The following RGL1 variants were observed in gnomAD, a reference collection of about 807,000 sequenced individuals.
RGL1 encodes the protein ral guanine nucleotide dissociation stimulator like 1.
In RGL1, 24 loss-of-function variants were observed where a neutral mutation model predicts 95.2. That is an observed-to-expected ratio of 0.25 (90% confidence interval 0.18 to 0.35). The LOEUF is 0.35. RGL1 is among the 10% of genes least tolerant of loss of function. RGL1 has a pLI of 1.00. For synonymous variants in RGL1, 329 were observed against 344.9 expected (o/e 0.95, Z 0.51); for missense variants, 715 against 936.3 (o/e 0.76, Z 3.08).
chr1:183,825,304 A>G (rs1662769710), intron 2 of RGL1, among the ~76,000 whole-genome samples: 3 of 152,230 alleles, frequency 2.0e-5, no homozygotes. Flanking sequence ...AAGCAGTAAG[A>G]ATGAATGATA....
chr1:183,659,441 G>A (rs1651446036), intron 1 of RGL1, among the ~76,000 whole-genome samples: 1 of 152,214 alleles, frequency 6.6e-6, no homozygotes, highest in South Asian at 2.1e-4. Context: ...GTGATCAACT[G>A]AAAGAAAGGG....
intron 8 of RGL1, among the ~76,000 whole-genome samples, chr1:183,891,733 G>GTTTTT (rs57974956): frequency 1.8e-4 from 22 of 123,946 alleles, no homozygotes; most frequent in South Asian, 2.7e-4. Flanking sequence ...GTGTGTAACA[G>GTTTTT]TTTTTTTTTT....
chr1:183,699,637 C>T (rs1654464262), intron 1 of RGL1, among the ~76,000 whole-genome samples: 5 of 152,158 alleles, frequency 3.3e-5, no homozygotes, highest in Admixed American at 2.0e-4. Context: ...CTAAATCAAT[C>T]GTATGTGCAG....
At chr1:183,673,454 C>A (rs896406682) in intron 1 of RGL1, among the ~76,000 whole-genome samples, 1 of 152,170 alleles carries the variant, frequency 6.6e-6, no homozygotes, top group African/African-American at 2.4e-5. Context: ...GGGCTCTGTT[C>A]TACTTCATCA....
At chr1:183,779,100 T>C (rs960842417) in intron 2 of RGL1, among the ~76,000 whole-genome samples, 2 of 152,174 alleles carry the variant, frequency 1.3e-5, no homozygotes, top group African/African-American at 4.8e-5. Flanking sequence ...GGAAGCTGTG[T>C]AGCTGTTCAT....
intron 1 of RGL1, among the ~76,000 whole-genome samples, chr1:183,717,384 T>C (rs776324226): frequency 5.9e-5 from 9 of 152,202 alleles, no homozygotes; most frequent in Non-Finnish European, 1.0e-4. Context: ...TTTCTCCATC[T>C]GGCACATTAA....
intron 2 of RGL1, among the ~76,000 whole-genome samples, chr1:183,808,778 C>T (rs1661509330): frequency 1.4e-5 from 2 of 147,150 alleles, no homozygotes; most frequent in Admixed American, 6.8e-5. Context: ...TTTTTTTTAA[C>T]ATGAGGAGAC....
intron 2 of RGL1, among the ~76,000 whole-genome samples, chr1:183,815,772 G>A (rs2102440941): frequency 6.6e-6 from 1 of 152,262 alleles, no homozygotes; most frequent in South Asian, 2.1e-4. Context: ...ATGACTGTCA[G>A]GAGTAAATGA....
intron 2 of RGL1, among the ~76,000 whole-genome samples, chr1:183,814,263 C>T (rs1328692901): frequency 6.6e-6 from 1 of 152,052 alleles, no homozygotes. Context: ...GTAGAAATAC[C>T]TGTGTCTTTC....
chr1:183,887,751 C>A (rs1440014762), intron 7 of RGL1, among the ~76,000 whole-genome samples: 1 of 152,112 alleles, frequency 6.6e-6, no homozygotes, highest in Non-Finnish European at 1.5e-5. Context: ...AAATAGGGAG[C>A]CTCTCTCCTT....
At chr1:183,696,465 G>C (rs893983569) in intron 1 of RGL1, among the ~76,000 whole-genome samples, 1 of 152,142 alleles carries the variant, frequency 6.6e-6, no homozygotes, top group Admixed American at 6.5e-5. Flanking sequence ...GGGTGCCTTA[G>C]GGCTTTGTCT....
intron 15 of RGL1, 95 bp downstream of exon 15, chr1:183,912,363 T>A: frequency 9.9e-7 from 1 of 1,009,730 alleles, no homozygotes; most frequent in Non-Finnish European, 1.4e-6. Context: ...AGTGGATCAC[T>A]CTATAGTATT....
intron 2 of RGL1, among the ~76,000 whole-genome samples, chr1:183,782,959 G>A (rs796779889): frequency 2.6e-5 from 4 of 152,180 alleles, no homozygotes; most frequent in African/African-American, 9.6e-5. Context: ...ATCATAAACA[G>A]AAATATCTAG....
intron 2 of RGL1, among the ~76,000 whole-genome samples, chr1:183,787,734 T>C (rs917799223): frequency 3.9e-5 from 6 of 152,046 alleles, no homozygotes; most frequent in Non-Finnish European, 7.4e-5. Flanking sequence ...GGGGCAGATC[T>C]CTTGTGAATG....
intron 2 of RGL1, among the ~76,000 whole-genome samples, chr1:183,796,164 A>ATTTT (rs566005120): frequency 7.8e-6 from 1 of 128,088 alleles, no homozygotes; most frequent in Non-Finnish European, 1.7e-5. Context: ...TTGTATTCCT[A>ATTTT]TTTTTTTTTT....
intron 1 of RGL1, among the ~76,000 whole-genome samples, chr1:183,805,997 TTTTTTTTTTTTTTTA>T (rs1661305393): frequency 2.5e-5 from 2 of 80,558 alleles, no homozygotes; most frequent in Non-Finnish European, 4.8e-5. Flanking sequence ...TTTTTTTTTT[TTTTTTTTTTTTTTTA>T]CAAAGAATTA....
At chr1:183,645,893 C>T (rs1032304375) in intron 1 of RGL1, among the ~76,000 whole-genome samples, 16 of 152,204 alleles carry the variant, frequency 1.1e-4, no homozygotes, top group Admixed American at 5.9e-4. Context: ...CTAGTCTTAT[C>T]GAACCAGTAC....
At position 183,805,971 on chromosome 1, in the gene RGL1, C is replaced by CTTTTTTTTTTTTTTTTTT. The variant is rs751229707; in HGVS notation, c.28-381_28-364dup. ...TTTCTTTTTCTTTTTCTTTTCTTTT[C>CTTTTTTTTTTTTTTTTTT]TTTTTTTTTTTTTTTTTTTTTTTTT... On this transcript the variant is annotated intron_variant, in intron 1 of 17. Coordinates refer to ENST00000360851, the MANE Select transcript of RGL1 (RefSeq NM_001297671.3). Among the ~76,000 whole-genome samples, 48 of 74,646 alleles carry CTTTTTTTTTTTTTTTTTT rather than the reference C, an allele frequency of 6.4e-4. 1 individual carries two copies. Among genetic ancestry groups the CTTTTTTTTTTTTTTTTTT allele is most frequent in the East Asian group, 1.9e-3 (4 of 2,116 alleles). The allele number at this position is 74,646 out of a possible 152,430, so 49.0% of individuals were successfully genotyped here.
chr1:183,882,071 A>G (rs1188446873), intron 5 of RGL1, among the ~76,000 whole-genome samples: 1 of 152,272 alleles, frequency 6.6e-6, no homozygotes, highest in African/African-American at 2.4e-5. Flanking sequence ...AGATTGCCTC[A>G]GTTCCCATGT....
Sources: gnomAD v4.1 joint callset for allele counts (sites outside exome capture counted in the v4.1 genomes callset) on GRCh38, gnomAD v4.1.1 for gene constraint, MANE v1.5 for transcripts, NCBI Gene and HGNC (gene_info 2026-07-23, HGNC 2026-07-21) for gene names.